The following ANKRD42 variants were observed in gnomAD, a reference collection of about 807,000 sequenced individuals.
ANKRD42 encodes the protein ankyrin repeat domain-containing protein 42.
In ANKRD42, 43 loss-of-function variants were observed where a neutral mutation model predicts 51.5. The observed-to-expected ratio is 0.83, with a 90% confidence interval of 0.65 to 1.08. The LOEUF (loss-of-function observed/expected upper bound fraction) is 1.08, where lower values mean the gene tolerates loss of function less well. ANKRD42 is among the 50% of genes least tolerant of loss of function. ANKRD42 has a pLI of 0.00. For missense variants in ANKRD42, 608 were observed against 629.3 expected (o/e 0.97, Z 0.36); for synonymous variants, 203 against 213.0 (o/e 0.95, Z 0.41).
In ANKRD42 at chr11:83,236,443, T is replaced by C. The variant is rs1863226194; in HGVS notation, c.953T>C (p.Ile318Thr). 5.6e-6 allele frequency: 9 copies of C among 1,612,214 alleles called. No individual in the cohort carries two copies. In the South Asian group the frequency reaches 1.0e-4, roughly 18 times the overall value. Reference protein sequence around the residue: ...QGHIECLQWLIKMGADSNITN... With the variant: ...QGHIECLQWLTKMGADSNITN... ...CACATAGAGTGTTTGCAGTGGTTAATTAAAATGGGAGCAGACAGTAATATT... is the reference window on the plus strand; with the variant it reads ...CACATAGAGTGTTTGCAGTGGTTAACTAAAATGGGAGCAGACAGTAATATT... Residue 318 changes from isoleucine to threonine, a missense_variant, in exon 8 of 11, where the codon ATT (isoleucine) becomes ACT (threonine). By Grantham distance (89) the Ile-to-Thr change is moderately conservative (BLOSUM62 -1). Transcript: ENST00000533342.
Position 83,248,222 on chromosome 11 carries a change from A to T in ANKRD42, c.*18A>T. 6.8e-7 allele frequency: 1 copy of T among 1,473,246 alleles called. No homozygotes were observed. The highest frequency in any genetic ancestry group is 9.0e-7 in the Non-Finnish European group (1 of 1,115,806). The allele number at this position is 1,473,246 out of a possible 1,614,324, so 91.3% of individuals were successfully genotyped here. A position where few individuals can be genotyped will look rare whatever the true frequency, so the allele number is the denominator to read the frequency against. ...TTTTTTGATTTGGGCTACTCATTTA[A>T]CCTTTTTGTGCCTCAACTATAAACT... On this transcript the variant is annotated 3_prime_UTR_variant, in exon 11 of 11. Transcript: ENST00000533342.
At chr11:83,237,787 G>A (rs1374730968) in intron 8 of ANKRD42, among the ~76,000 whole-genome samples, 1 of 152,110 alleles carries the variant, frequency 6.6e-6, no homozygotes, top group Non-Finnish European at 1.5e-5. Context: ...GATGAGTTTT[G>A]ATGTATGCGT....
chr11:83,229,065 A>C (rs1862988164), intron 7 of ANKRD42, among the ~76,000 whole-genome samples: 2 of 151,874 alleles, frequency 1.3e-5, no homozygotes, highest in South Asian at 4.2e-4. Context: ...TTATTTTCTC[A>C]GAGTTCTGGA....
chr11:83,237,384 CTT>C (rs1239807243), intron 8 of ANKRD42, among the ~76,000 whole-genome samples: 2 of 82,512 alleles, frequency 2.4e-5, no homozygotes, highest in Non-Finnish European at 5.6e-5. Flanking sequence ...AAAGAAAAAA[CTT>C]TTCTTTTGAG....
rs1863613267 is a variant in ANKRD42 at position 83,248,624 on chromosome 11, A to C, written c.*420A>C. On this transcript the variant is annotated 3_prime_UTR_variant, in exon 11 of 11. Transcript: ENST00000533342. Reference sequence around the variant, plus strand: ...TTCTGTTTGAGGCTTGTGTCACCTCAAATCTGATCTATTAATATTATAGAA... The same window carrying C: ...TTCTGTTTGAGGCTTGTGTCACCTCCAATCTGATCTATTAATATTATAGAA... The C allele has an allele frequency of 1.0e-6, 1 of 986,206 alleles. No individual in the cohort carries two copies. The highest frequency in any genetic ancestry group is 4.7e-5 in the South Asian group (1 of 21,308). The allele number at this position is 986,206 out of a possible 1,614,324, so 61.1% of individuals were successfully genotyped here.
At chr11:83,226,234 C>T (rs776151681) in intron 6 of ANKRD42, among the ~76,000 whole-genome samples, 1 of 152,082 alleles carries the variant, frequency 6.6e-6, no homozygotes, top group Non-Finnish European at 1.5e-5. Context: ...CACATACACA[C>T]ACACATACAC....
intron 3 of ANKRD42, 41 bp from the exon 4 acceptor site, chr11:83,210,259 T>G (rs1253943496): frequency 6.3e-7 from 1 of 1,592,096 alleles, no homozygotes; most frequent in East Asian, 2.2e-5. Context: ...TGGTTTAACA[T>G]CTATACTCAT....
chr11:83,261,790 C>A, downstream of ANKRD42: 1 of 677,914 alleles, frequency 1.5e-6, no homozygotes, highest in South Asian at 1.9e-5. Context: ...TCTTTTAGTC[C>A]GTATACACTT....
intron 5 of ANKRD42, chr11:83,212,559 A>G: frequency 9.4e-7 from 1 of 1,062,872 alleles, no homozygotes. Context: ...TTGGAGTGAA[A>G]ATGATACTTA....
At chr11:83,227,494 G>A (rs915148368) in intron 6 of ANKRD42, among the ~76,000 whole-genome samples, 1 of 152,108 alleles carries the variant, frequency 6.6e-6, no homozygotes, top group Non-Finnish European at 1.5e-5. Context: ...GAGAGAGAAA[G>A]AGAGTATGGC....
At chr11:83,261,682 G>A, downstream of ANKRD42, 1 of 337,076 alleles carries the variant, frequency 3.0e-6, no homozygotes. Flanking sequence ...TCTCAAACCA[G>A]GTCTGAGTGA....
chr11:83,222,255 A>G (rs188115616), intron 5 of ANKRD42, among the ~76,000 whole-genome samples: 8 of 152,272 alleles, frequency 5.3e-5, no homozygotes, highest in Admixed American at 3.9e-4. Context: ...CTTCAGGGCC[A>G]TTTTGGAACT....
Position 83,211,287 on chromosome 11 carries a change from AC to A in ANKRD42, c.451-6del. 2 of 1,614,014 alleles carry A rather than the reference AC, an allele frequency of 1.2e-6. No individual in the cohort carries two copies. The highest frequency in any genetic ancestry group is 1.7e-6 in the Non-Finnish European group (2 of 1,179,954). On this transcript the variant is annotated splice_polypyrimidine_tract_variant and splice_region_variant and intron_variant, in intron 4 of 10. Coordinates refer to ENST00000533342, the MANE Select transcript of ANKRD42 (RefSeq NM_001300975.2). ...GAGAAACTAAGTCCTTGTGAATGTT[AC>A]CTCTAGGATCCCAGTGTGACTGATA...
chr11:83,236,282 A>T, intron 7 of ANKRD42, 122 bp from the exon 8 acceptor site: 1 of 584,928 alleles, frequency 1.7e-6, no homozygotes, highest in Non-Finnish European at 2.9e-6. Context: ...TTTGCCAGTT[A>T]CTGCAAGGAT....
chr11:83,245,602 A>G lies in ANKRD42; in HGVS notation c.1300A>G (p.Lys434Glu). Residue 434 changes from lysine (K) to glutamate (E), a missense_variant, in exon 10 of 11, where the codon AAA becomes GAA. Coordinates refer to ENST00000533342, the MANE Select transcript of ANKRD42 (RefSeq NM_001300975.2). ...AACAGAAGAAGATTTAAAGCAGAAG[A>G]AAGAACAGCTTGAGTCTGAAAAGTA... ...GITEEDLKQK[K>E]EQLESEKTIK... 6.5e-7 allele frequency: 1 copy of G among 1,536,520 alleles called. No individual in the cohort carries two copies. Among genetic ancestry groups the G allele is most frequent in the Admixed American group, 2.0e-5 (1 of 50,926 alleles).
rs1464564044 is a variant in ANKRD42 at position 83,198,632 on chromosome 11, G to A, written c.212G>A (p.Gly71Glu). Residue 71 changes from glycine (G) to glutamate (E), a missense_variant, in exon 2 of 11, where the codon GGA (glycine) becomes GAA (glutamate). By Grantham distance (98) the Gly-to-Glu change is moderately conservative. Coordinates refer to ENST00000533342, the MANE Select transcript of ANKRD42 (RefSeq NM_001300975.2). ...CCTTTACATTGGGCAGCACATTCTGGAAGTTTGGAGGTAAGAAACTATACA... is the reference window on the plus strand; with the variant it reads ...CCTTTACATTGGGCAGCACATTCTGAAAGTTTGGAGGTAAGAAACTATACA... ...FTPLHWAAHS[G>E]SLECLHWLLW... 1 of 1,591,868 alleles carries A rather than the reference G, an allele frequency of 6.3e-7. No individual in the cohort carries two copies. Among genetic ancestry groups the A allele is most frequent in the African/African-American group, 1.3e-5 (1 of 74,084 alleles).
At chr11:83,249,416 G>C (rs913730491), downstream of ANKRD42, among the ~76,000 whole-genome samples, 1 of 152,146 alleles carries the variant, frequency 6.6e-6, no homozygotes, top group Non-Finnish European at 1.5e-5. Flanking sequence ...GTAAGGACGG[G>C]ATCTTGCTTT....
At chr11:83,232,101 C>CTTTTTTTTTT (rs59648047) in intron 7 of ANKRD42, among the ~76,000 whole-genome samples, 1 of 140,530 alleles carries the variant, frequency 7.1e-6, no homozygotes. Flanking sequence ...TAAATTTTAG[C>CTTTTTTTTTT]TTTTTTTTTT....
downstream of ANKRD42, chr11:83,257,168 G>A (rs1269704963): frequency 8.6e-6 from 3 of 350,196 alleles, no homozygotes; most frequent in Non-Finnish European, 1.7e-5. Flanking sequence ...ATGCACTCTT[G>A]TCAGGGCAAA....
Sources: gnomAD v4.1 joint callset for allele counts (sites outside exome capture counted in the v4.1 genomes callset) on GRCh38, gnomAD v4.1.1 for gene constraint, MANE v1.5 for transcripts, NCBI Gene and HGNC (gene_info 2026-07-23, HGNC 2026-07-21) for gene names.